The following SND1 variants were observed in gnomAD, a reference collection of about 807,000 sequenced individuals.
The protein encoded by SND1 is staphylococcal nuclease domain-containing protein 1.
A neutral mutation model predicts 121.7 loss-of-function variants in SND1; 38 were observed. That is an observed-to-expected ratio of 0.31 (90% CI 0.24 to 0.41). The LOEUF is 0.41. Ranked by LOEUF, SND1 falls within the 10% of genes least tolerant of loss-of-function variation. SND1 has a pLI of 1.00. For missense variants in SND1, 868 were observed against 1,184.6 expected (o/e 0.73, Z 3.92); for synonymous variants, 401 against 447.4 (o/e 0.90, Z 1.31).
At chr7:127,912,500 A>G (rs1000991118) in intron 14 of SND1, among the ~76,000 whole-genome samples, 1 of 152,202 alleles carries the variant, frequency 6.6e-6, no homozygotes, top group African/African-American at 2.4e-5. Context: ...CCACCCTGTA[A>G]GAGAAATGAT....
intron 2 of SND1, among the ~76,000 whole-genome samples, chr7:127,688,927 G>T (rs951672941): frequency 2.0e-5 from 3 of 152,104 alleles, no homozygotes; most frequent in African/African-American, 4.8e-5. Flanking sequence ...TATAATAAAG[G>T]ACATTTTATT....
chr7:128,035,381 C>G (rs887672989), intron 16 of SND1, among the ~76,000 whole-genome samples: 3 of 152,206 alleles, frequency 2.0e-5, no homozygotes, highest in African/African-American at 4.8e-5. Context: ...TTCATTTAAT[C>G]TAGAGATCCA....
intron 21 of SND1, among the ~76,000 whole-genome samples, chr7:128,087,696 C>G (rs1280166876): frequency 6.6e-6 from 1 of 152,140 alleles, no homozygotes; most frequent in Non-Finnish European, 1.5e-5. Flanking sequence ...ATTTATGGGT[C>G]TGTGTAGTTA....
intron 15 of SND1, among the ~76,000 whole-genome samples, chr7:127,932,899 A>G (rs1430806000): frequency 1.3e-5 from 2 of 152,178 alleles, no homozygotes; most frequent in African/African-American, 4.8e-5. Context: ...CTGTATTGCA[A>G]TATTCACTTC....
rs1420900082 is a variant in SND1 at position 128,029,770 on chromosome 7, A to G, written c.1779+38714A>G. On this transcript the variant is annotated intron_variant, in intron 16 of 23. Transcript: ENST00000354725. This position sits in a 1 kb window ranked among gnomAD's most constrained non-coding sequence, Gnocchi z 4.2. ...TGGTGTAGATGCAACTCCACCAGGTACCTCAGCGGGGTAAAGAGGTCATGG... is the reference window on the plus strand; with the variant it reads ...TGGTGTAGATGCAACTCCACCAGGTGCCTCAGCGGGGTAAAGAGGTCATGG... 6.2e-7 allele frequency: 1 copy of G among 1,613,768 alleles called. No individual in the cohort carries two copies. The highest frequency in any genetic ancestry group is 8.5e-7 in the Non-Finnish European group (1 of 1,180,014).
intron 10 of SND1, among the ~76,000 whole-genome samples, chr7:127,791,158 T>G (rs938173684): frequency 1.3e-5 from 2 of 149,386 alleles, no homozygotes; most frequent in African/African-American, 5.0e-5. Context: ...TTTTTTTTTT[T>G]TTTTTGAGGC....
At position 127,702,354 on chromosome 7, in the gene SND1, G is replaced by T. The variant is rs1562983826; in HGVS notation, c.590-81G>T. On this transcript the variant is annotated intron_variant, in intron 5 of 23. Coordinates refer to ENST00000354725, the MANE Select transcript of SND1 (RefSeq NM_014390.4). ...AGGGTTTTTGGGGAGAGGAAACTGT[G>T]TTAAGTGCAGTTTGATTGGGCAGTG... 3.1e-6 allele frequency: 4 copies of T among 1,278,938 alleles called. No individual in the cohort carries two copies. The Admixed American group carries it at 5.1e-5, about 16-fold the overall frequency. 79.2% of individuals were successfully genotyped at this position (1,278,938 alleles called of 1,614,324 possible).
rs1179113657 is a variant in SND1 at position 127,732,970 on chromosome 7, A to G, written c.1152+11570A>G. On this transcript the variant is annotated intron_variant, in intron 10 of 23. Coordinates refer to ENST00000354725, the MANE Select transcript of SND1 (RefSeq NM_014390.4). ...GTTTCAAAACTCCAGTTGTTTAGAG[A>G]CTGTAAGATTTACTTCCTTGATGCC... is the stretch of plus-strand genomic sequence containing the variant. Among the ~76,000 whole-genome samples, 5 of 152,056 alleles carry G rather than the reference A, an allele frequency of 3.3e-5. No homozygotes were observed. In the East Asian group the frequency reaches 9.6e-4, roughly 29 times the overall value.
chr7:127,995,732 C>G (rs1411379243), intron 16 of SND1, among the ~76,000 whole-genome samples: 1 of 152,174 alleles, frequency 6.6e-6, no homozygotes, highest in Non-Finnish European at 1.5e-5. Context: ...GCTGCCTGCA[C>G]AGCAGTGTTT....
intron 14 of SND1, among the ~76,000 whole-genome samples, chr7:127,917,273 A>G (rs1156300947): frequency 6.6e-6 from 1 of 152,224 alleles, no homozygotes; most frequent in Non-Finnish European, 1.5e-5. Flanking sequence ...ATTCCCAAAT[A>G]CACCGAAAGC....
At chr7:127,805,901 A>G (rs1798230008) in intron 10 of SND1, among the ~76,000 whole-genome samples, 1 of 152,128 alleles carries the variant, frequency 6.6e-6, no homozygotes, top group Admixed American at 6.5e-5. Flanking sequence ...GTCTTTCTAT[A>G]CTTTTTGCAA....
intron 15 of SND1, among the ~76,000 whole-genome samples, chr7:127,967,907 T>C (rs1801892573): frequency 6.6e-6 from 1 of 152,234 alleles, no homozygotes; most frequent in Non-Finnish European, 1.5e-5. Context: ...AGTATTAATT[T>C]ATATAATAAC....
intron 15 of SND1, among the ~76,000 whole-genome samples, chr7:127,959,024 C>T (rs1335763755): frequency 2.6e-5 from 4 of 152,156 alleles, no homozygotes; most frequent in African/African-American, 9.7e-5. Context: ...CCATTGGAAG[C>T]TACATTTGTG....
At chr7:127,822,257 C>T (rs1563025471) in intron 11 of SND1, among the ~76,000 whole-genome samples, 1 of 152,104 alleles carries the variant, frequency 6.6e-6, no homozygotes, top group African/African-American at 2.4e-5. Context: ...CATATACTAG[C>T]ATCATAAATA....
Position 127,710,840 on chromosome 7 carries a change from T to TA in SND1, c.1038+3194dup, listed in dbSNP as rs1796285384. ...TACTCAAGAGGGCGCACAGTGCTCTTACCCAGTTCTTCCAATATGATTATG... is the reference window on the plus strand; with the variant it reads ...TACTCAAGAGGGCGCACAGTGCTCTTAACCCAGTTCTTCCAATATGATTATG... On this transcript the variant is annotated intron_variant, in intron 9 of 23. Coordinates refer to ENST00000354725, the MANE Select transcript of SND1 (RefSeq NM_014390.4). Among the ~76,000 whole-genome samples, 6 of 152,324 alleles carry TA rather than the reference T, an allele frequency of 3.9e-5. No individual in the cohort carries two copies. In the South Asian group the frequency reaches 1.2e-3, roughly 32 times the overall value.
intron 10 of SND1, among the ~76,000 whole-genome samples, chr7:127,756,837 C>T (rs926517823): frequency 6.6e-6 from 1 of 152,134 alleles, no homozygotes; most frequent in Non-Finnish European, 1.5e-5. Context: ...TTTTCAGGTT[C>T]TCTTCCTAAT....
chr7:127,705,722 A>G (rs1796180031), intron 8 of SND1, among the ~76,000 whole-genome samples: 2 of 152,188 alleles, frequency 1.3e-5, no homozygotes, highest in Non-Finnish European at 2.9e-5. Flanking sequence ...TGCTCGGGAA[A>G]GTCTGAATCA....
In SND1 at chr7:127,948,164, T is replaced by G. The variant is rs3808076; in HGVS notation, c.1669+18835T>G. Among the ~76,000 whole-genome samples, 96 of 152,336 alleles carry G rather than the reference T, an allele frequency of 6.3e-4. No individual in the cohort carries two copies. The East Asian group carries it at 0.016, about 25-fold the overall frequency. ...GGAAGACCTTATTTCTCACCCAGAC[T>G]GTAGTGATTCCTGTATGGCCTTAAA... On this transcript the variant is annotated intron_variant, in intron 15 of 23. Transcript: ENST00000354725.
At chr7:127,863,037 T>C (rs1036588814) in intron 12 of SND1, among the ~76,000 whole-genome samples, 1 of 152,226 alleles carries the variant, frequency 6.6e-6, no homozygotes, top group Non-Finnish European at 1.5e-5. Flanking sequence ...GATAGGACTA[T>C]CTAGTCCACC....
Sources: allele counts gnomAD v4.1 joint callset (sites outside exome capture counted in the v4.1 genomes callset), GRCh38; gene constraint gnomAD v4.1.1; non-coding constraint Gnocchi (gnomAD v3.1); transcripts MANE v1.5; gene names NCBI Gene and HGNC (gene_info 2026-07-23, HGNC 2026-07-21).